Variants in SLC2A13 observed in about 807,000 individuals in gnomAD.
SLC2A13 encodes solute carrier family 2 member 13.
Under a neutral mutation model 64.4 loss-of-function variants are expected in SLC2A13, and 32 were observed. The observed-to-expected ratio is 0.50, with a 90% CI of 0.37 to 0.67. The LOEUF (loss-of-function observed/expected upper bound fraction) is 0.67. Among genes scored for constraint, SLC2A13 ranks in the 30% least tolerant of loss-of-function variants. The pLI is 0.00. For missense variants in SLC2A13, 743 were observed against 829.2 expected (o/e 0.90, Z 1.28); for synonymous variants, 338 against 327.1 (o/e 1.03, Z -0.36).
chr12:40,097,262 T>A (rs1216743335), intron 1 of SLC2A13, among the ~76,000 whole-genome samples: 5 of 152,138 alleles, frequency 3.3e-5, no homozygotes, highest in Admixed American at 3.3e-4. Flanking sequence ...AATGACATAC[T>A]CCTAGAAGTA....
intron 1 of SLC2A13, among the ~76,000 whole-genome samples, chr12:40,087,358 C>T (rs1239439920): frequency 6.6e-6 from 1 of 152,068 alleles, no homozygotes. Context: ...CAGTCTATAC[C>T]CCTCTGTGTT....
At chr12:39,914,329 A>T (rs1945483646) in intron 4 of SLC2A13, among the ~76,000 whole-genome samples, 1 of 152,072 alleles carries the variant, frequency 6.6e-6, no homozygotes, top group Admixed American at 6.6e-5. Context: ...AATAACAGGT[A>T]TGAAATTTAC....
chr12:39,845,921 T>C (rs1943298823), intron 6 of SLC2A13, among the ~76,000 whole-genome samples: 2 of 152,106 alleles, frequency 1.3e-5, no homozygotes, highest in South Asian at 4.1e-4. Context: ...GGAGGAGGCT[T>C]AGAAAAGAAC....
intron 4 of SLC2A13, among the ~76,000 whole-genome samples, chr12:39,923,837 C>T (rs1219308576): frequency 5.3e-5 from 8 of 151,890 alleles, no homozygotes; most frequent in East Asian, 1.9e-4. Context: ...CTGCCTCCCT[C>T]GGAGCACATT....
chr12:39,968,217 G>A (rs1471474213), intron 3 of SLC2A13, among the ~76,000 whole-genome samples: 1 of 152,162 alleles, frequency 6.6e-6, no homozygotes, highest in East Asian at 1.9e-4. Context: ...TCTTAACATG[G>A]TGGCAGCAAG....
intron 3 of SLC2A13, among the ~76,000 whole-genome samples, chr12:39,994,164 C>T (rs986577867): frequency 2.6e-5 from 4 of 151,824 alleles, no homozygotes; most frequent in South Asian, 2.1e-4. Flanking sequence ...CTGAGGTGGA[C>T]GGATCACGAG....
chr12:39,808,603 C>T (rs779170363), intron 7 of SLC2A13, among the ~76,000 whole-genome samples: 1 of 152,096 alleles, frequency 6.6e-6, no homozygotes, highest in Non-Finnish European at 1.5e-5. Context: ...GATATTTTGA[C>T]TTTTTCATTT....
At chr12:39,857,068 T>C (rs1943628628) in intron 6 of SLC2A13, among the ~76,000 whole-genome samples, 1 of 152,228 alleles carries the variant, frequency 6.6e-6, no homozygotes, top group Admixed American at 6.5e-5. Context: ...TTTCATGTGT[T>C]CACTGCAATG....
intron 4 of SLC2A13, among the ~76,000 whole-genome samples, chr12:39,912,289 T>A (rs948124851): frequency 6.6e-6 from 1 of 152,008 alleles, no homozygotes; most frequent in Non-Finnish European, 1.5e-5. Flanking sequence ...GGCATTCACA[T>A]CCCATAATAA....
At chr12:39,846,345 A>G (rs1171781363) in intron 6 of SLC2A13, among the ~76,000 whole-genome samples, 4 of 152,186 alleles carry the variant, frequency 2.6e-5, no homozygotes, top group Admixed American at 1.3e-4. Context: ...GTAAATTTCA[A>G]AATGAAGAGG....
chr12:40,014,961 T>C (rs1043493704), intron 3 of SLC2A13, among the ~76,000 whole-genome samples: 1 of 152,242 alleles, frequency 6.6e-6, no homozygotes, highest in Admixed American at 6.5e-5. Flanking sequence ...TTAAGTAATA[T>C]GTAAAAACTC....
intron 1 of SLC2A13, among the ~76,000 whole-genome samples, chr12:40,076,358 C>A (rs1938175283): frequency 6.6e-6 from 1 of 152,110 alleles, no homozygotes; most frequent in Admixed American, 6.6e-5. Context: ...TTCCTCTTTG[C>A]ATCCATGAGT....
chr12:39,889,259 T>C (rs955845643), intron 4 of SLC2A13, among the ~76,000 whole-genome samples: 2 of 152,096 alleles, frequency 1.3e-5, no homozygotes, highest in Non-Finnish European at 2.9e-5. Context: ...AAATTTGTTA[T>C]CAATATAACA....
chr12:39,826,889 T>C (rs1566835158), intron 7 of SLC2A13, among the ~76,000 whole-genome samples: 1 of 106,398 alleles, frequency 9.4e-6, no homozygotes, highest in Non-Finnish European at 1.9e-5. Context: ...CAAGGTTCTT[T>C]ATGTATTCAT....
intron 5 of SLC2A13, among the ~76,000 whole-genome samples, chr12:39,865,722 T>C (rs1436927082): frequency 3.3e-5 from 5 of 152,208 alleles, no homozygotes; most frequent in Non-Finnish European, 7.4e-5. Flanking sequence ...TCATGTCCTT[T>C]GCAGCAACAT....
intron 3 of SLC2A13, among the ~76,000 whole-genome samples, chr12:40,003,678 G>GTT (rs141336962): frequency 1.4e-5 from 2 of 146,366 alleles, no homozygotes; most frequent in African/African-American, 5.0e-5. Context: ...ATCATCGTGG[G>GTT]TTTTTTTTTT....
intron 3 of SLC2A13, among the ~76,000 whole-genome samples, chr12:39,978,413 G>A (rs976769579): frequency 3.3e-5 from 5 of 152,212 alleles, no homozygotes; most frequent in African/African-American, 7.2e-5. Context: ...CTGAGGTACC[G>A]AGTTCATCAC....
At chr12:39,783,066 T>A (rs1452929152) in intron 7 of SLC2A13, among the ~76,000 whole-genome samples, 1 of 152,090 alleles carries the variant, frequency 6.6e-6, no homozygotes, top group Non-Finnish European at 1.5e-5. Flanking sequence ...TTCCCCATCC[T>A]GTGTCCAACT....
At chr12:39,935,268 C>G (rs1459198637) in intron 4 of SLC2A13, among the ~76,000 whole-genome samples, 2 of 152,146 alleles carry the variant, frequency 1.3e-5, no homozygotes, top group Non-Finnish European at 2.9e-5. Flanking sequence ...TTATGAAAAC[C>G]TATCCAATAT....
Sources: gnomAD v4.1 joint callset for allele counts (sites outside exome capture counted in the v4.1 genomes callset) on GRCh38, gnomAD v4.1.1 for gene constraint, MANE v1.5 for transcripts, NCBI Gene and HGNC (gene_info 2026-07-23, HGNC 2026-07-21) for gene names.